Variants in MAMDC2 observed in about 807,000 individuals in gnomAD.
The protein encoded by MAMDC2 is MAM domain containing 2.
Under a neutral mutation model 89.8 loss-of-function variants are expected in MAMDC2, and 57 were observed. That is an observed-to-expected ratio of 0.63 (90% CI 0.51 to 0.79). The LOEUF is 0.79. Among genes scored for constraint, MAMDC2 ranks in the 30% least tolerant of loss-of-function variants. The probability of loss-of-function intolerance (pLI) is 0.00; values close to 1 mark genes in which losing one functional copy is unlikely to be tolerated. For synonymous variants in MAMDC2, 313 were observed against 293.4 expected (o/e 1.07, Z -0.68); for missense variants, 800 against 820.6 (o/e 0.97, Z 0.31).
intron 11 of MAMDC2, among the ~76,000 whole-genome samples, chr9:70,215,221 A>C (rs2033422030): frequency 6.6e-6 from 1 of 151,228 alleles, no homozygotes; most frequent in South Asian, 2.1e-4. Context: ...CAACGTAAGA[A>C]TGTAATTCTA....
intron 5 of MAMDC2, among the ~76,000 whole-genome samples, chr9:70,115,607 C>T (rs11141696): frequency 0.16 from 23,832 of 152,144 alleles, 1,865 homozygotes; most frequent in East Asian, 0.17. Context: ...CCGCCTGCCT[C>T]GGCCTCCCAA....
At chr9:70,199,002 A>G (rs1238094491) in intron 11 of MAMDC2, among the ~76,000 whole-genome samples, 1 of 151,930 alleles carries the variant, frequency 6.6e-6, no homozygotes, top group African/African-American at 2.4e-5. Flanking sequence ...TTAGCTCCAG[A>G]TTATTAAAGT....
At chr9:70,125,419 T>C (rs1373930734) in intron 5 of MAMDC2, among the ~76,000 whole-genome samples, 1 of 152,194 alleles carries the variant, frequency 6.6e-6, no homozygotes, top group Non-Finnish European at 1.5e-5. Flanking sequence ...GGAGCAGGAT[T>C]CAACCTCATT....
chr9:70,182,594 G>A (rs2032668246), intron 11 of MAMDC2, among the ~76,000 whole-genome samples: 1 of 152,132 alleles, frequency 6.6e-6, no homozygotes, highest in Admixed American at 6.5e-5. Context: ...GAGGGTGTAT[G>A]TGTCCAGGAA....
At chr9:70,150,492 T>C (rs1587516869) in intron 9 of MAMDC2, among the ~76,000 whole-genome samples, 1 of 134,474 alleles carries the variant, frequency 7.4e-6, no homozygotes, top group African/African-American at 2.8e-5. Flanking sequence ...AGGTTCAGAG[T>C]TCAACCTGGG....
chr9:70,064,594 TGTGA>T (rs1426356123), intron 2 of MAMDC2, among the ~76,000 whole-genome samples: 16 of 152,196 alleles, frequency 1.1e-4, no homozygotes, highest in Admixed American at 2.0e-4. Flanking sequence ...TGTGAGTGTG[TGTGA>T]GTGTTTGTAA....
At chr9:70,166,272 T>TACACACACAC (rs551265332) in intron 9 of MAMDC2, among the ~76,000 whole-genome samples, 54 of 49,864 alleles carry the variant, frequency 1.1e-3, no homozygotes, top group East Asian at 6.9e-3. Context: ...AATATATATA[T>TACACACACAC]ATATACACAC....
rs11376987 is a variant in MAMDC2 at position 70,171,337 on chromosome 9, AT to A, written c.1651+716del. ...AACATAGTGAGACTCTATCTTGACA[AT>A]TTTTTTTTTAATTTAGCCAGCTGTG... is the stretch of plus-strand genomic sequence containing the variant. On this transcript the variant is annotated intron_variant, in intron 11 of 13. Transcript: ENST00000377182. 5.5e-3 allele frequency among the ~76,000 whole-genome samples: 819 copies of A among 149,590 alleles called. 7 individuals carry two copies. The highest frequency in any genetic ancestry group is 7.3e-3 in the Non-Finnish European group (490 of 67,448).
At position 70,166,272 on chromosome 9, in the gene MAMDC2, T is replaced by TAC. The variant is rs551265332; in HGVS notation, c.1405-2429_1405-2428insCA. ...AAAAAACAAAACAGAAATATATATATATATACACACACACACACACACACA... is the reference window on the plus strand; with the variant it reads ...AAAAAACAAAACAGAAATATATATATACATATACACACACACACACACACACA... On this transcript the variant is annotated intron_variant, in intron 9 of 13. Transcript: ENST00000377182. Among the ~76,000 whole-genome samples, 174 of 49,870 alleles carry TAC rather than the reference T, an allele frequency of 3.5e-3. 2 individuals are homozygous for TAC. Among genetic ancestry groups the TAC allele is most frequent in the East Asian group, 0.024 (45 of 1,894 alleles). The allele number at this position is 49,870 out of a possible 152,430, so 32.7% of individuals were successfully genotyped here.
Position 70,140,208 on chromosome 9 carries a change from A to G in MAMDC2, c.1058A>G (p.Gln353Arg), listed in dbSNP as rs1278814641. Residue 353 changes from glutamine to arginine, a missense_variant, in exon 8 of 14, where the codon CAA (glutamine) becomes CGA (arginine). Coordinates refer to ENST00000377182, the MANE Select transcript of MAMDC2 (RefSeq NM_153267.5). ...NFEQDLCNFYQDKEGPGWTRV... is the reference protein window; with the variant it reads ...NFEQDLCNFYRDKEGPGWTRV... Reference sequence around the variant, plus strand: ...GAGCAAGATCTCTGCAACTTTTACCAAGATAAAGAAGGTCCAGGTTGGACC... The same window carrying G: ...GAGCAAGATCTCTGCAACTTTTACCGAGATAAAGAAGGTCCAGGTTGGACC... 1 of 1,596,086 alleles carries G rather than the reference A, an allele frequency of 6.3e-7. No homozygotes were observed. Among genetic ancestry groups the G allele is most frequent in the East Asian group, 2.3e-5 (1 of 43,808 alleles).
At chr9:70,203,729 A>G (rs1415957063) in intron 11 of MAMDC2, among the ~76,000 whole-genome samples, 2 of 116,922 alleles carry the variant, frequency 1.7e-5, no homozygotes, top group Non-Finnish European at 3.5e-5. Flanking sequence ...ACATAGTCCC[A>G]TATTTCTTGG....
chr9:70,172,752 G>C (rs1287647227), intron 11 of MAMDC2: 1 of 153,002 alleles, frequency 6.5e-6, no homozygotes, highest in Non-Finnish European at 1.5e-5. Flanking sequence ...GGACAATGTT[G>C]CTTCGGTAAA....
intron 2 of MAMDC2, among the ~76,000 whole-genome samples, chr9:70,103,860 T>C (rs988726031): frequency 9.2e-5 from 14 of 151,908 alleles, no homozygotes; most frequent in Admixed American, 6.5e-5. Flanking sequence ...CGTACACCTG[T>C]AGTCCCAGCT....
At chr9:70,194,832 T>C (rs1005519342) in intron 11 of MAMDC2, among the ~76,000 whole-genome samples, 4 of 152,150 alleles carry the variant, frequency 2.6e-5, no homozygotes, top group South Asian at 4.1e-4. Context: ...TAGAAAATTA[T>C]GACATATGAG....
At chr9:70,050,406 G>A (rs533050294) in intron 2 of MAMDC2, among the ~76,000 whole-genome samples, 2 of 152,314 alleles carry the variant, frequency 1.3e-5, no homozygotes, top group Middle Eastern at 3.4e-3. Flanking sequence ...AAGCCTCGTG[G>A]TTAGTATAAG....
chr9:70,049,259 C>T (rs990893552), intron 2 of MAMDC2, among the ~76,000 whole-genome samples: 3 of 152,150 alleles, frequency 2.0e-5, no homozygotes, highest in Admixed American at 6.5e-5. Flanking sequence ...CGTGTAAATA[C>T]ATGTGTGTTT....
At chr9:70,208,599 T>G (rs1209603550) in intron 11 of MAMDC2, among the ~76,000 whole-genome samples, 5 of 152,220 alleles carry the variant, frequency 3.3e-5, no homozygotes, top group Non-Finnish European at 7.3e-5. Context: ...TTTGACTTTC[T>G]CTTTTCCTAA....
At chr9:70,090,967 C>A (rs1261120347) in intron 2 of MAMDC2, among the ~76,000 whole-genome samples, 2 of 152,106 alleles carry the variant, frequency 1.3e-5, no homozygotes, top group African/African-American at 4.8e-5. Flanking sequence ...GATAATATAA[C>A]CATCTCCAAG....
At chr9:70,131,324 C>T (rs568546965) in intron 6 of MAMDC2, among the ~76,000 whole-genome samples, 195 bp from the exon 7 acceptor site, 1 of 152,280 alleles carries the variant, frequency 6.6e-6, no homozygotes, top group South Asian at 2.1e-4. Flanking sequence ...CAGATCATAG[C>T]AGTTTCATTC....
Sources: gnomAD v4.1 joint callset for allele counts (sites outside exome capture counted in the v4.1 genomes callset) on GRCh38, gnomAD v4.1.1 for gene constraint, MANE v1.5 for transcripts, NCBI Gene and HGNC (gene_info 2026-07-23, HGNC 2026-07-21) for gene names.